FRMD7: variants seen among roughly 807,000 people sequenced by gnomAD.
FRMD7 encodes FERM domain-containing protein 7.
FRMD7 carries 14 observed loss-of-function variants against 44.1 expected under a neutral mutation model. That is an observed-to-expected ratio of 0.32 (90% CI 0.21 to 0.50). The LOEUF is 0.50. Ranked by LOEUF, FRMD7 falls within the 20% of genes least tolerant of loss-of-function variation. The pLI is 0.99. For missense variants in FRMD7, 501 were observed against 522.3 expected (o/e 0.96, Z 0.40); for synonymous variants, 212 against 187.4 (o/e 1.13, Z -1.07).
intron 1 of FRMD7, among the ~76,000 whole-genome samples, chrX:132,102,860 G>A (rs935947482): frequency 2.7e-5 from 3 of 111,749 alleles, no homozygotes; most frequent in Admixed American, 9.5e-5. Flanking sequence ...CCATGTGTTT[G>A]TATATTTACA....
intron 5 of FRMD7, among the ~76,000 whole-genome samples, chrX:132,087,258 G>A (rs754122580): frequency 9.0e-6 from 1 of 111,530 alleles, no homozygotes; most frequent in East Asian, 2.8e-4. Flanking sequence ...AACATAAAAT[G>A]AGAAAGCAAA....
Position 132,077,619 on chromosome X carries a change from A to G in FRMD7, c.*253T>C, listed in dbSNP as rs951257902. On this transcript the variant is annotated 3_prime_UTR_variant, in exon 12 of 12. Coordinates refer to ENST00000298542, the MANE Select transcript of FRMD7 (RefSeq NM_194277.3). Reference sequence around the variant, plus strand: ...TGAGGAAGTATGCAGTGGAGATGACAAATACCCACCTTGCCTTGCCACAGT... The same window carrying G: ...TGAGGAAGTATGCAGTGGAGATGACGAATACCCACCTTGCCTTGCCACAGT... 7 of 396,026 alleles carry G rather than the reference A, an allele frequency of 1.8e-5. No homozygotes were observed. Among genetic ancestry groups the G allele is most frequent in the African/African-American group, 1.0e-4 (4 of 39,478 alleles). The allele number at this position is 396,026 out of a possible 1,213,427, so 32.6% of individuals were successfully genotyped here. A position where few individuals can be genotyped will look rare whatever the true frequency, so the allele number is the denominator to read the frequency against.
intron 1 of FRMD7, among the ~76,000 whole-genome samples, chrX:132,102,931 G>A (rs933774128): frequency 8.9e-6 from 1 of 112,058 alleles, no homozygotes; most frequent in Non-Finnish European, 1.9e-5. Context: ...TAAGGCCTTC[G>A]TTTTGCTTCC....
At chrX:132,091,357 G>A (rs1287769259) in intron 5 of FRMD7, among the ~76,000 whole-genome samples, 1 of 110,710 alleles carries the variant, frequency 9.0e-6, no homozygotes, top group Non-Finnish European at 1.9e-5. Flanking sequence ...AAGCCTTTCT[G>A]ATGTTTCTTG....
intron 5 of FRMD7, among the ~76,000 whole-genome samples, chrX:132,092,582 C>T (rs986281503): frequency 8.9e-6 from 1 of 111,824 alleles, no homozygotes; most frequent in Admixed American, 9.4e-5. Flanking sequence ...TACTGACAGA[C>T]AATATCCTCT....
intron 8 of FRMD7, among the ~76,000 whole-genome samples, chrX:132,083,040 T>A (rs1311533735): frequency 2.7e-5 from 3 of 111,953 alleles, no homozygotes; most frequent in Non-Finnish European, 5.6e-5. Context: ...AACCTCAAAC[T>A]CCTGGGCTCA....
At chrX:132,099,373 C>G (rs928384843) in intron 3 of FRMD7, 95 bp downstream of exon 3, 2 of 682,413 alleles carry the variant, frequency 2.9e-6, no homozygotes, top group African/African-American at 4.3e-5. Flanking sequence ...CCCTTTTCTC[C>G]CCTTATATTA....
At chrX:132,103,119 G>T (rs896660776) in intron 1 of FRMD7, among the ~76,000 whole-genome samples, 2 of 111,876 alleles carry the variant, frequency 1.8e-5, no homozygotes, top group African/African-American at 6.5e-5. Context: ...GTCCTCCATA[G>T]TGTACGTTGA....
chrX:132,106,730 A>G (rs2124261947), intron 1 of FRMD7, among the ~76,000 whole-genome samples: 1 of 112,442 alleles, frequency 8.9e-6, no homozygotes, highest in East Asian at 2.8e-4. Flanking sequence ...AGGAACATGG[A>G]TGGAGCCGGA....
chrX:132,100,070 A>G (rs138034126), intron 2 of FRMD7, among the ~76,000 whole-genome samples: 7 of 112,357 alleles, frequency 6.2e-5, no homozygotes, highest in Non-Finnish European at 1.3e-4. Context: ...TAAAGCATGC[A>G]TAGCTGCTCA....
intron 5 of FRMD7, among the ~76,000 whole-genome samples, chrX:132,091,799 C>T (rs1455897060): frequency 1.8e-5 from 2 of 111,478 alleles, no homozygotes; most frequent in Non-Finnish European, 1.9e-5. Flanking sequence ...CGCCCCACTG[C>T]ACTCCAGCCT....
chrX:132,097,930 C>T (rs1396741042), intron 3 of FRMD7, among the ~76,000 whole-genome samples: 2 of 112,475 alleles, frequency 1.8e-5, no homozygotes, highest in African/African-American at 6.5e-5. Context: ...TGTTGGTGCC[C>T]ATTATCTGCA....
intron 9 of FRMD7, among the ~76,000 whole-genome samples, chrX:132,081,151 G>A (rs1927795508): frequency 9.0e-6 from 1 of 111,656 alleles, no homozygotes; most frequent in Non-Finnish European, 1.9e-5. Context: ...TGGCCAAGAT[G>A]GTGAAACCCC....
intron 7 of FRMD7, 94 bp downstream of exon 7, chrX:132,085,487 G>A: frequency 2.7e-6 from 2 of 743,570 alleles, no homozygotes; most frequent in Non-Finnish European, 4.1e-6. Context: ...ATAATACTGA[G>A]GGGTGAGATC....
chrX:132,092,693 AGAG>A (rs1928215176), intron 5 of FRMD7, among the ~76,000 whole-genome samples: 2 of 111,981 alleles, frequency 1.8e-5, no homozygotes, highest in Non-Finnish European at 3.8e-5. Flanking sequence ...CTCCCCCGTC[AGAG>A]ACTGCCTGGG....
intron 1 of FRMD7, among the ~76,000 whole-genome samples, chrX:132,121,489 A>C (rs919535091): frequency 1.8e-5 from 2 of 111,227 alleles, no homozygotes; most frequent in Non-Finnish European, 3.8e-5. Context: ...GCAAACACTT[A>C]TATAGCACTT....
chrX:132,097,165 G>T lies in FRMD7; in HGVS notation c.284+101C>A, dbSNP rs1470224941. The T allele has an allele frequency of 7.6e-6, 5 of 662,004 alleles. No individual in the cohort carries two copies. In the African/African-American group the frequency reaches 8.6e-5, roughly 11 times the overall value. 54.6% of individuals were successfully genotyped at this position (662,004 alleles called of 1,213,427 possible). On this transcript the variant is annotated intron_variant, in intron 4 of 11. Transcript: ENST00000298542. ...ACCATCTCCCAGACAGTGACTTAAA[G>T]CCAAGTTTTGTGAGAATGGCCAGAA...
intron 4 of FRMD7, among the ~76,000 whole-genome samples, chrX:132,094,469 G>A (rs987117959): frequency 1.8e-5 from 2 of 112,074 alleles, no homozygotes; most frequent in African/African-American, 6.5e-5. Flanking sequence ...GAAAGAATAG[G>A]AGATCAAGCA....
intron 1 of FRMD7, among the ~76,000 whole-genome samples, chrX:132,110,409 G>A (rs922998520): frequency 9.0e-6 from 1 of 111,061 alleles, no homozygotes; most frequent in Admixed American, 9.6e-5. Context: ...TTGGACTTGG[G>A]GAGGTTAAGA....
Sources: allele counts gnomAD v4.1 joint callset (sites outside exome capture counted in the v4.1 genomes callset), GRCh38; gene constraint gnomAD v4.1.1; transcripts MANE v1.5; gene names NCBI Gene and HGNC (gene_info 2026-07-23, HGNC 2026-07-21).